Variants in CLK1 observed in about 807,000 individuals in gnomAD.
CLK1 encodes CDC like kinase 1.
In CLK1, 40 loss-of-function variants were observed where a neutral mutation model predicts 60.9. That is an observed-to-expected ratio of 0.66 (90% CI 0.51 to 0.86). The LOEUF (loss-of-function observed/expected upper bound fraction) is 0.86, where lower values mean the gene tolerates loss of function less well. Ranked by LOEUF, CLK1 falls within the 40% of genes least tolerant of loss-of-function variation. The probability of loss-of-function intolerance (pLI) is 0.00; values close to 1 mark genes in which losing one functional copy is unlikely to be tolerated. For synonymous variants in CLK1, 203 were observed against 184.4 expected (o/e 1.10, Z -0.82); for missense variants, 563 against 606.1 (o/e 0.93, Z 0.75).
At chr2:200,860,003 T>C (rs553146495) in intron 4 of CLK1, 122 bp downstream of exon 4, 12 of 1,456,338 alleles carry the variant, frequency 8.2e-6, no homozygotes, top group African/African-American at 4.3e-5. Context: ...CCAAAAGAAA[T>C]GGAAAAATAA....
intron 1 of CLK1, among the ~76,000 whole-genome samples, chr2:200,862,563 C>G (rs573112220): frequency 1.3e-5 from 2 of 152,300 alleles, no homozygotes; most frequent in African/African-American, 4.8e-5. Context: ...ATAATCCCAC[C>G]ACCCTTTGCC....
chr2:200,861,705 TCA>T lies in CLK1; in HGVS notation c.156_157del (p.Cys52Ter). Reference sequence around the variant, plus strand: ...ACATTTTAAGTATCCTCCTTACCTATCACACATTTTAGAGTGATTGTATTTGC... The same window carrying T: ...ACATTTTAAGTATCCTCCTTACCTATCACATTTTAGAGTGATTGTATTTGC... On this transcript the variant is annotated stop_gained and frameshift_variant, in exon 2 of 13. Transcript: ENST00000321356. LOFTEE classifies it high-confidence loss of function. The T allele has an allele frequency of 6.2e-7, 1 of 1,614,000 alleles. No individual in the cohort carries two copies. Among genetic ancestry groups the T allele is most frequent in the South Asian group, 1.1e-5 (1 of 91,070 alleles).
At chr2:200,862,003 TAAATC>T (rs2039147151) in intron 1 of CLK1, 141 bp from the exon 2 acceptor site, 1 of 662,152 alleles carries the variant, frequency 1.5e-6, no homozygotes, top group Admixed American at 2.9e-5. Flanking sequence ...AAATCACTGA[TAAATC>T]CAATTACTGT....
At chr2:200,860,772 AT>A (rs2039124728) in intron 3 of CLK1, 1 of 1,019,228 alleles carries the variant, frequency 9.8e-7, no homozygotes, top group East Asian at 9.7e-5. Context: ...TATATAACCC[AT>A]AACAGTTCAA....
chr2:200,858,907 G>A (rs1359215932), intron 5 of CLK1, among the ~76,000 whole-genome samples: 2 of 150,946 alleles, frequency 1.3e-5, no homozygotes, highest in African/African-American at 2.4e-5. Context: ...GGAGCCAAGC[G>A]CTCATGCCTG....
chr2:200,864,055 G>A, intron 1 of CLK1: 8 of 1,513,240 alleles, frequency 5.3e-6, no homozygotes, highest in East Asian at 2.6e-5. Flanking sequence ...TTCATCATTA[G>A]ACATTAACTG....
At chr2:200,860,309 G>A in intron 3 of CLK1, 94 bp from the exon 4 acceptor site, 2 of 1,580,788 alleles carry the variant, frequency 1.3e-6, no homozygotes, top group South Asian at 2.3e-5. Context: ...TCAGCGGGGA[G>A]ATATTCAGGC....
At chr2:200,864,282 C>T in intron 1 of CLK1, 2 of 1,488,716 alleles carry the variant, frequency 1.3e-6, no homozygotes, top group African/African-American at 1.4e-5. Flanking sequence ...CGTCCCGCGT[C>T]AGGCGGCGCC....
At chr2:200,859,561 C>T in intron 5 of CLK1, 119 bp downstream of exon 5, 5 of 666,084 alleles carry the variant, frequency 7.5e-6, no homozygotes, top group Non-Finnish European at 1.0e-5. Flanking sequence ...TGTCTTACAT[C>T]CAAGTAAAAA....
At position 200,853,922 on chromosome 2, in the gene CLK1, C is replaced by T; in HGVS notation, c.1292G>A (p.Arg431Lys). The T allele has an allele frequency of 6.2e-7, 1 of 1,612,298 alleles. No homozygotes were observed. The highest frequency in any genetic ancestry group is 8.5e-7 in the Non-Finnish European group (1 of 1,179,034). The change falls in exon 12 of 13, where the codon AGA (arginine) becomes AAA (lysine). Residue 431 changes from arginine (R) to lysine (K), a missense_variant. Around this residue, in one of 3 missense-constraint regions of CLK1, gnomAD observed 360 missense variants for 407.0 expected, o/e 0.88. Transcript: ENST00000321356. Reference protein sequence around the residue: ...EHSSAGRYVSRRCKPLKEFML... With the variant: ...EHSSAGRYVSKRCKPLKEFML... ...GCTTACCTTCAGAGGTTTACAGCGT[C>T]TTGAAACATATCTGCCGGCAGAACT...
chr2:200,861,457 CAAATAATGGCTAGAG>C lies in CLK1; in HGVS notation c.162-6_170del, dbSNP rs1559328725. On this transcript the variant is annotated splice_acceptor_variant and splice_polypyrimidine_tract_variant and coding_sequence_variant and intron_variant, in exon 3 of 13. Coordinates refer to ENST00000321356, the MANE Select transcript of CLK1 (RefSeq NM_004071.4). LOFTEE classifies it high-confidence loss of function. ...CTTTCTCATTTATAGACCTGCTTTC[CAAATAATGGCTAGAG>C]AAATAAAAATTATTTTCAATGTTTT... 4 of 1,612,176 alleles carry C rather than the reference CAAATAATGGCTAGAG, an allele frequency of 2.5e-6. No homozygotes were observed. The highest frequency in any genetic ancestry group is 3.4e-6 in the Non-Finnish European group (4 of 1,179,462).
intron 3 of CLK1, 46 bp downstream of exon 3, chr2:200,861,192 C>T (rs745315113): frequency 6.3e-7 from 1 of 1,593,118 alleles, no homozygotes; most frequent in Non-Finnish European, 8.6e-7. Context: ...TTTCCCTGTT[C>T]CACATGGGAT....
chr2:200,854,778 T>TA (rs1288065906), intron 10 of CLK1, 83 bp from the exon 11 acceptor site: 1 of 1,038,100 alleles, frequency 9.6e-7, no homozygotes, highest in Non-Finnish European at 1.5e-6. Context: ...AAACTAACAT[T>TA]AAGGCTTGCA....
At chr2:200,855,183 C>A in intron 9 of CLK1, 97 bp from the exon 10 acceptor site, 4 of 888,442 alleles carry the variant, frequency 4.5e-6, no homozygotes, top group Non-Finnish European at 5.2e-6. Context: ...AAAAAAAACA[C>A]ATGTAATGTA....
At chr2:200,855,909 T>C (rs1314819405) in intron 9 of CLK1, among the ~76,000 whole-genome samples, 1 of 150,636 alleles carries the variant, frequency 6.6e-6, no homozygotes, top group Non-Finnish European at 1.5e-5. Flanking sequence ...CTCAGGAGGC[T>C]GAGGCAGGAG....
intron 1 of CLK1, chr2:200,864,124 T>G: frequency 6.4e-7 from 1 of 1,551,232 alleles, no homozygotes; most frequent in Non-Finnish European, 8.7e-7. Context: ...TCCCCACAGC[T>G]GCTTGGCTCA....
At chr2:200,856,104 G>A (rs1199347621) in intron 9 of CLK1, among the ~76,000 whole-genome samples, 1 of 151,304 alleles carries the variant, frequency 6.6e-6, no homozygotes, top group Non-Finnish European at 1.5e-5. Flanking sequence ...ATGGAGTCTC[G>A]CTCTGTCGCC....
chr2:200,854,185 T>A, intron 11 of CLK1, 192 bp from the exon 12 acceptor site: 1 of 482,590 alleles, frequency 2.1e-6, no homozygotes, highest in Non-Finnish European at 3.6e-6. Context: ...TTGACTTCAT[T>A]ATTTATAAAG....
chr2:200,860,258 C>A, intron 3 of CLK1, 43 bp from the exon 4 acceptor site: 1 of 1,613,340 alleles, frequency 6.2e-7, no homozygotes, highest in Non-Finnish European at 8.5e-7. Flanking sequence ...TCCAGCCAAT[C>A]AATATACCCG....
Sources: allele counts gnomAD v4.1 joint callset (sites outside exome capture counted in the v4.1 genomes callset), GRCh38; gene constraint gnomAD v4.1.1; regional missense constraint gnomAD v4.1.1; transcripts MANE v1.5; gene names NCBI Gene and HGNC (gene_info 2026-07-23, HGNC 2026-07-21).